The following GNG7 variants were observed in gnomAD, a reference collection of about 807,000 sequenced individuals.
The protein encoded by GNG7 is G protein subunit gamma 7, also known as guanine nucleotide-binding protein G(I)/G(S)/G(O) subunit gamma-7.
GNG7 carries 1 observed loss-of-function variant against 4.0 expected under a neutral mutation model. The observed-to-expected ratio is 0.25, with a 90% CI of 0.09 to 1.18. The LOEUF (loss-of-function observed/expected upper bound fraction) is 1.18, where lower values mean the gene tolerates loss of function less well. Ranked by LOEUF, GNG7 falls within the 50% of genes most tolerant of loss-of-function variation. GNG7 has a pLI of 0.50. For synonymous variants in GNG7, 34 were observed against 36.9 expected, an observed-to-expected ratio of 0.92 and a Z score of 0.29; for missense variants, 86 against 91.9, an observed-to-expected ratio of 0.94 and a Z score of 0.26.
chr19:2,675,713 A>G (rs936598707), intron 1 of GNG7, among the ~76,000 whole-genome samples: 3 of 152,108 alleles, frequency 2.0e-5, no homozygotes, highest in Non-Finnish European at 4.4e-5. Context: ...AGGTCTGAGG[A>G]CATCTGTGGT....
intron 1 of GNG7, among the ~76,000 whole-genome samples, chr19:2,695,011 CA>C (rs1056781168): frequency 6.6e-6 from 1 of 151,686 alleles, no homozygotes; most frequent in African/African-American, 2.4e-5. Flanking sequence ...TCCACGTTTA[CA>C]AAAAAAAGTT....
chr19:2,571,588 C>CTTTTTTTTTTTTT (rs779497111), intron 2 of GNG7, among the ~76,000 whole-genome samples: 2 of 68,014 alleles, frequency 2.9e-5, no homozygotes, highest in Non-Finnish European at 5.2e-5. Flanking sequence ...CATTTCTTTC[C>CTTTTTTTTTTTTT]TTTTTTTTTT....
intron 1 of GNG7, among the ~76,000 whole-genome samples, chr19:2,696,802 G>C (rs1403400244): frequency 2.6e-5 from 4 of 152,220 alleles, no homozygotes; most frequent in Admixed American, 2.0e-4. Flanking sequence ...GCCAGGGCTG[G>C]GGGAGGGGGT....
chr19:2,628,435 G>A (rs1982073037), intron 2 of GNG7, among the ~76,000 whole-genome samples: 5 of 152,070 alleles, frequency 3.3e-5, no homozygotes, highest in Admixed American at 1.3e-4. Context: ...CCCTCCACAG[G>A]CAGCTCACGA....
At chr19:2,661,470 C>A (rs370936212) in intron 1 of GNG7, among the ~76,000 whole-genome samples, 11 of 151,466 alleles carry the variant, frequency 7.3e-5, no homozygotes, top group African/African-American at 2.7e-4. Flanking sequence ...ACCAGCCTGG[C>A]CAACACAGTG....
chr19:2,667,776 A>G (rs1983347255), intron 1 of GNG7, among the ~76,000 whole-genome samples: 1 of 152,014 alleles, frequency 6.6e-6, no homozygotes, highest in East Asian at 1.9e-4. Context: ...TAGGCCGGGC[A>G]TGGTGGTGGG....
chr19:2,576,876 G>T (rs1980357814), intron 2 of GNG7, among the ~76,000 whole-genome samples: 1 of 152,100 alleles, frequency 6.6e-6, no homozygotes. Context: ...TAAAGACAGG[G>T]TCTCGCTATG....
chr19:2,550,517 C>T (rs376921014), intron 3 of GNG7, among the ~76,000 whole-genome samples: 132 of 152,278 alleles, frequency 8.7e-4, no homozygotes, highest in African/African-American at 2.4e-3. Context: ...CAGGAGCCAC[C>T]GCTCCCGGCC....
At chr19:2,524,529 CAT>C (rs1206948148) in intron 3 of GNG7, among the ~76,000 whole-genome samples, 7 of 152,308 alleles carry the variant, frequency 4.6e-5, no homozygotes, top group South Asian at 4.1e-4. Context: ...TGTGTGCACA[CAT>C]ATCTGCATGT....
Position 2,634,319 on chromosome 19 carries a change from C to T in GNG7, c.-78+11905G>A, listed in dbSNP as rs192141623. ...GAGCAGTATCCCTGGCCTCCACCCA[C>T]TCCATGCCAGGAGCTCCCCCAAGTC... On this transcript the variant is annotated intron_variant, in intron 2 of 4. Coordinates refer to ENST00000382159, the MANE Select transcript of GNG7 (RefSeq NM_052847.3). This position sits in a 1 kb window ranked among gnomAD's most constrained non-coding sequence, Gnocchi z 5.3. Among the ~76,000 whole-genome samples, 1 of 152,212 alleles carries T rather than the reference C, an allele frequency of 6.6e-6. No individual in the cohort carries two copies. The highest frequency in any genetic ancestry group is 1.5e-5 in the Non-Finnish European group (1 of 68,036).
chr19:2,533,046 G>T (rs1978642453), intron 3 of GNG7, among the ~76,000 whole-genome samples: 1 of 151,950 alleles, frequency 6.6e-6, no homozygotes, highest in Non-Finnish European at 1.5e-5. Flanking sequence ...CAACCCAAAT[G>T]CCTGTCAACG....
At chr19:2,657,361 A>AAAAAAAAATATATATAT (rs1555701153) in intron 1 of GNG7, among the ~76,000 whole-genome samples, 4 of 16,326 alleles carry the variant, frequency 2.5e-4, no homozygotes, top group Non-Finnish European at 4.1e-4. Context: ...AAAAAAAAAA[A>AAAAAAAAATATATATAT]ATATATATAT....
intron 3 of GNG7, among the ~76,000 whole-genome samples, chr19:2,524,568 G>A (rs1978334783): frequency 6.6e-6 from 1 of 152,252 alleles, no homozygotes; most frequent in South Asian, 2.1e-4. Context: ...ATGCATGGGT[G>A]TGCACGTCAG....
chr19:2,563,396 C>T (rs1979806924), intron 2 of GNG7, among the ~76,000 whole-genome samples: 1 of 152,220 alleles, frequency 6.6e-6, no homozygotes, highest in East Asian at 1.9e-4. Flanking sequence ...TGGGAGCACC[C>T]CGTAGTCGTG....
chr19:2,613,852 T>C (rs2144825305), intron 2 of GNG7, among the ~76,000 whole-genome samples: 1 of 152,140 alleles, frequency 6.6e-6, no homozygotes, highest in Non-Finnish European at 1.5e-5. Flanking sequence ...TTTAATTAAT[T>C]GGTGAGGGGG....
intron 3 of GNG7, among the ~76,000 whole-genome samples, chr19:2,532,493 G>A (rs1225154867): frequency 6.6e-6 from 1 of 152,208 alleles, no homozygotes; most frequent in Non-Finnish European, 1.5e-5. Flanking sequence ...AAGATGCAGT[G>A]ACGTCTAATA....
chr19:2,656,469 G>A (rs1277202871), intron 1 of GNG7, among the ~76,000 whole-genome samples: 1 of 152,198 alleles, frequency 6.6e-6, no homozygotes, highest in Non-Finnish European at 1.5e-5. Flanking sequence ...GGGCATGGTG[G>A]TGCACGCCTG....
At chr19:2,607,562 TAAAAAAA>T (rs57077280) in intron 2 of GNG7, among the ~76,000 whole-genome samples, 11 of 110,578 alleles carry the variant, frequency 9.9e-5, no homozygotes, top group African/African-American at 1.8e-4. Context: ...ACTAAAATGG[TAAAAAAA>T]AAAAAAAAAA....
chr19:2,591,938 T>TGA (rs1980861214), intron 2 of GNG7, among the ~76,000 whole-genome samples: 1 of 152,178 alleles, frequency 6.6e-6, no homozygotes, highest in African/African-American at 2.4e-5. Flanking sequence ...TTGATAACCA[T>TGA]TATGGCAAGG....
Sources: gnomAD v4.1 joint callset for allele counts (sites outside exome capture counted in the v4.1 genomes callset) on GRCh38, gnomAD v4.1.1 for gene constraint, Gnocchi (gnomAD v3.1) non-coding constraint, MANE v1.5 for transcripts, NCBI Gene and HGNC (gene_info 2026-07-23, HGNC 2026-07-21) for gene names.